Variants in DNAH8 observed in about 807,000 individuals in gnomAD.
DNAH8 encodes the protein axonemal beta dynein heavy chain 8.
A neutral mutation model predicts 562.1 loss-of-function variants in DNAH8; 382 were observed. That is an observed-to-expected ratio of 0.68 (90% CI 0.63 to 0.74). The LOEUF (loss-of-function observed/expected upper bound fraction) is 0.74, where lower values mean the gene tolerates loss of function less well. DNAH8 is among the 30% of genes least tolerant of loss of function. The pLI, the probability that DNAH8 is intolerant of heterozygous loss-of-function variation, is 0.00. For synonymous variants in DNAH8, 1,881 were observed against 1,919.4 expected, an observed-to-expected ratio of 0.98 and a Z score of 0.52; for missense variants, 5,203 against 5,620.4, an observed-to-expected ratio of 0.93 and a Z score of 2.37.
intron 14 of DNAH8, among the ~76,000 whole-genome samples, chr6:38,779,003 AT>A (rs1283626540): frequency 6.6e-6 from 1 of 152,116 alleles, no homozygotes; most frequent in Non-Finnish European, 1.5e-5. Context: ...TGTCCCCCAC[AT>A]TTTTTTGTGG....
At chr6:38,929,970 TTGTC>T (rs1163712405) in intron 75 of DNAH8, among the ~76,000 whole-genome samples, 3 of 152,092 alleles carry the variant, frequency 2.0e-5, no homozygotes, top group Admixed American at 6.5e-5. Flanking sequence ...AGGAAACACA[TTGTC>T]TGGTCTTAAT....
intron 1 of DNAH8, among the ~76,000 whole-genome samples, chr6:38,718,964 C>G (rs931036233): frequency 1.3e-5 from 2 of 149,872 alleles, no homozygotes; most frequent in African/African-American, 4.8e-5. Context: ...TTGACTCCTA[C>G]TTATCCTTTA....
At chr6:38,818,412 C>T (rs1772480309) in intron 26 of DNAH8, among the ~76,000 whole-genome samples, 1 of 151,780 alleles carries the variant, frequency 6.6e-6, no homozygotes, top group Non-Finnish European at 1.5e-5. Context: ...AAATTATCAA[C>T]CAAGTACGAT....
At chr6:38,901,433 A>G (rs916853575) in intron 62 of DNAH8, among the ~76,000 whole-genome samples, 1 of 152,142 alleles carries the variant, frequency 6.6e-6, no homozygotes, top group Non-Finnish European at 1.5e-5. Flanking sequence ...TCCATTTATT[A>G]AAAAAGTCAT....
intron 49 of DNAH8, among the ~76,000 whole-genome samples, chr6:38,871,996 G>C (rs1416473280): frequency 6.6e-6 from 1 of 152,136 alleles, no homozygotes; most frequent in Non-Finnish European, 1.5e-5. Flanking sequence ...CACCTTGCTT[G>C]GCTTCTTCCC....
chr6:38,926,119 T>C lies in DNAH8; in HGVS notation c.11027T>C (p.Val3676Ala), dbSNP rs771444510. 5 of 1,613,776 alleles carry C rather than the reference T, an allele frequency of 3.1e-6. No homozygotes were observed. In the South Asian group the frequency reaches 5.5e-5, roughly 18 times the overall value. The change falls in exon 74 of 93, where the codon GTG (valine) becomes GCG (alanine). Residue 3676 changes from valine (V) to alanine (A), a missense_variant. Physicochemically the swap from Val to Ala is moderately conservative, Grantham distance 64. This residue lies in a region of DNAH8 where 1,399 missense variants were observed against 1,518.4 expected (regional missense o/e 0.92). Coordinates refer to ENST00000327475, the MANE Select transcript of DNAH8 (RefSeq NM_001206927.2). ...DDLSIQNGII[V>A]TKATRYPLLI... ...CTCTCAATTCAGAATGGCATTATTGTGACAAAGGCCACCAGATACCCACTC... is the reference window on the plus strand; with the variant it reads ...CTCTCAATTCAGAATGGCATTATTGCGACAAAGGCCACCAGATACCCACTC...
chr6:38,869,085 G>A (rs901674359), intron 48 of DNAH8, among the ~76,000 whole-genome samples: 12 of 152,340 alleles, frequency 7.9e-5, no homozygotes, highest in African/African-American at 2.9e-4. Flanking sequence ...TGAAGAAGAA[G>A]TGGTTCAGGA....
intron 10 of DNAH8, among the ~76,000 whole-genome samples, chr6:38,756,524 C>CT (rs202077185): frequency 6.6e-6 from 1 of 151,868 alleles, no homozygotes; most frequent in Admixed American, 6.6e-5. Flanking sequence ...CAATGTCATT[C>CT]TTTTTTTTAT....
chr6:38,857,643 C>CATT lies in DNAH8; in HGVS notation c.5861_5863dup (p.Ile1954dup), dbSNP rs1776308604. ...AATTTTTGGATATTCTAAATACTCT[C>CATT]ATTAGTCAGACAACACATGATCTAA... On this transcript the variant is annotated inframe_insertion, in exon 42 of 93. Coordinates refer to ENST00000327475, the MANE Select transcript of DNAH8 (RefSeq NM_001206927.2). 4.3e-6 allele frequency: 7 copies of CATT among 1,613,510 alleles called. No individual in the cohort carries two copies. The highest frequency in any genetic ancestry group is 5.9e-6 in the Non-Finnish European group (7 of 1,179,536).
At chr6:38,728,096 G>A (rs975790320) in intron 3 of DNAH8, among the ~76,000 whole-genome samples, 11 of 152,034 alleles carry the variant, frequency 7.2e-5, no homozygotes, top group African/African-American at 2.7e-4. Flanking sequence ...CTCCCAAGTA[G>A]CTGGGACCAT....
At position 39,010,883 on chromosome 6, in the gene DNAH8, T is replaced by C. The variant is rs138002524; in HGVS notation, c.13372-1332T>C. On this transcript the variant is annotated intron_variant, in intron 89 of 92. Transcript: ENST00000327475. The stretch of plus-strand genomic sequence containing the variant: ...TATGTATAGCATATACATATGCTGT[T>C]CAGCCACTGGAGGTTGAAGGACTTG... Among the ~76,000 whole-genome samples the C allele has an allele frequency of 7.6e-4, 115 of 151,946 alleles. 1 individual carries two copies. Among genetic ancestry groups the C allele is most frequent in the African/African-American group, 2.6e-3 (106 of 41,386 alleles).
chr6:38,782,018 A>G (rs1768665713), intron 16 of DNAH8, among the ~76,000 whole-genome samples: 1 of 152,078 alleles, frequency 6.6e-6, no homozygotes, highest in Admixed American at 6.5e-5. Context: ...GAACAATATA[A>G]CTACAAAACA....
Position 38,873,727 on chromosome 6 carries a change from TACACACACACACAC to T in DNAH8, c.7620+380_7620+393del, listed in dbSNP as rs762717515. On this transcript the variant is annotated intron_variant, in intron 52 of 92. Coordinates refer to ENST00000327475, the MANE Select transcript of DNAH8 (RefSeq NM_001206927.2). ...ATAAATAAAAAATAACACATACACC[TACACACACACACAC>T]ACACACACACACACACACACACACA... is the stretch of plus-strand genomic sequence containing the variant. 1.3e-4 allele frequency among the ~76,000 whole-genome samples: 13 copies of T among 96,484 alleles called. No homozygotes were observed. In the South Asian group the frequency reaches 1.9e-3, roughly 14 times the overall value. 63.3% of individuals were successfully genotyped at this position (96,484 alleles called of 152,430 possible).
At position 38,850,329 on chromosome 6, in the gene DNAH8, A is replaced by C. The variant is rs755370528; in HGVS notation, c.5278A>C (p.Asn1760His). The change falls in exon 38 of 93, where the codon AAT becomes CAT. Residue 1760 changes from asparagine to histidine, a missense_variant. Physicochemically the swap from Asn to His is moderately conservative, Grantham distance 68. Around this residue, in one of 6 missense-constraint regions of DNAH8, gnomAD observed 2,176 missense variants for 2,365.1 expected, o/e 0.92. Coordinates refer to ENST00000327475, the MANE Select transcript of DNAH8 (RefSeq NM_001206927.2). ...AGCTCATGAGAATCCCAATGTGATT[A>C]ATTGCTGTGTTGGAGATGAAACCAT... ...QRAHENPNVI[N>H]CCVGDETMGQ... 1 of 1,613,708 alleles carries C rather than the reference A, an allele frequency of 6.2e-7. No individual in the cohort carries two copies. Among genetic ancestry groups the C allele is most frequent in the African/African-American group, 1.3e-5 (1 of 75,038 alleles).
rs112770567 is a variant in DNAH8, at chr6:38,923,699, G to C, written c.10791-292G>C. The C allele has an allele frequency of 3.5e-3, 1,156 of 329,360 alleles. 11 individuals carry two copies. Among genetic ancestry groups the C allele is most frequent in the African/African-American group, 0.023 (1,061 of 46,914 alleles). 20.4% of individuals were successfully genotyped at this position (329,360 alleles called of 1,614,324 possible). Reference sequence around the variant, plus strand: ...ACACAAGACTGAAATCTGAATAAGAGCAAGGGACAGGATGGGGGAAGATAC... The same window carrying C: ...ACACAAGACTGAAATCTGAATAAGACCAAGGGACAGGATGGGGGAAGATAC... On this transcript the variant is annotated intron_variant, in intron 72 of 92. Coordinates refer to ENST00000327475, the MANE Select transcript of DNAH8 (RefSeq NM_001206927.2).
chr6:38,971,370 T>C (rs1488801599), intron 82 of DNAH8, among the ~76,000 whole-genome samples: 1 of 152,094 alleles, frequency 6.6e-6, no homozygotes, highest in African/African-American at 2.4e-5. Context: ...TCTCCCTTCC[T>C]GACCCCCAAC....
chr6:38,901,498 A>G (rs887096256), intron 62 of DNAH8, among the ~76,000 whole-genome samples: 8 of 152,168 alleles, frequency 5.3e-5, no homozygotes, highest in Non-Finnish European at 8.8e-5. Flanking sequence ...CTGATCATAT[A>G]TGTGACTATA....
chr6:38,924,049 C>A lies in DNAH8; in HGVS notation c.10849C>A (p.Gln3617Lys). 1 of 1,613,896 alleles carries A rather than the reference C, an allele frequency of 6.2e-7. No homozygotes were observed. The highest frequency in any genetic ancestry group is 8.5e-7 in the Non-Finnish European group (1 of 1,179,858). ...GFLSYLGPFNQIFRNYLLKDQ... is the reference protein window; with the variant it reads ...GFLSYLGPFNKIFRNYLLKDQ... The stretch of plus-strand genomic sequence containing the variant: ...CCTTTCCTACCTTGGTCCTTTCAAT[C>A]AGATATTTAGGAACTATTTGCTTAA... Residue 3617 changes from glutamine to lysine, a missense_variant, in exon 73 of 93, where the codon CAG becomes AAG. Coordinates refer to ENST00000327475, the MANE Select transcript of DNAH8 (RefSeq NM_001206927.2).
chr6:38,724,135 G>T (rs535187878), intron 3 of DNAH8, among the ~76,000 whole-genome samples: 1 of 151,904 alleles, frequency 6.6e-6, no homozygotes, highest in African/African-American at 2.4e-5. Flanking sequence ...GCACCACCAC[G>T]CCCAGCTAAA....
Sources: gnomAD v4.1 joint callset for allele counts (sites outside exome capture counted in the v4.1 genomes callset) on GRCh38, gnomAD v4.1.1 for gene constraint, gnomAD v4.1.1 regional missense constraint, MANE v1.5 for transcripts, NCBI Gene and HGNC (gene_info 2026-07-23, HGNC 2026-07-21) for gene names.